Variants in SDK1 observed in about 807,000 individuals in gnomAD.
The protein encoded by SDK1 is protein sidekick-1.
In SDK1, 157 loss-of-function variants were observed where a neutral mutation model predicts 245.5. The ratio of observed to expected loss-of-function variants is 0.64; its 90% confidence interval spans 0.56 to 0.73. SDK1 has a LOEUF of 0.73. Ranked by LOEUF, SDK1 falls within the 30% of genes least tolerant of loss-of-function variation. SDK1 has a pLI of 0.00. For missense variants in SDK1, 3,583 were observed against 3,002.3 expected (o/e 1.19, Z -4.52); for synonymous variants, 1,647 against 1,278.5 (o/e 1.29, Z -6.15).
chr7:3,974,634 G>C, intron 13 of SDK1, 89 bp downstream of exon 13: 2 of 1,294,526 alleles, frequency 1.5e-6, no homozygotes, highest in South Asian at 1.4e-5. Flanking sequence ...CAAGTGTCAC[G>C]CCCGGCTTGT....
intron 14 of SDK1, among the ~76,000 whole-genome samples, chr7:3,989,219 A>G (rs912358597): frequency 6.6e-6 from 1 of 152,244 alleles, no homozygotes; most frequent in Admixed American, 6.5e-5. Flanking sequence ...GGAAAGCCTC[A>G]CAATCATGGT....
intron 17 of SDK1, among the ~76,000 whole-genome samples, chr7:4,047,114 C>T (rs1053372301): frequency 2.6e-5 from 4 of 152,102 alleles, no homozygotes; most frequent in Admixed American, 6.5e-5. Flanking sequence ...TAGCTGTAGG[C>T]GTTTTATAGG....
chr7:3,852,778 T>TAAA (rs1780451803), intron 5 of SDK1, among the ~76,000 whole-genome samples: 2 of 142,048 alleles, frequency 1.4e-5, no homozygotes, highest in Non-Finnish European at 3.1e-5. Context: ...AAAAAAAAAT[T>TAAA]TTTTTCCTTG....
At chr7:3,465,977 T>C (rs1780988533) in intron 1 of SDK1, among the ~76,000 whole-genome samples, 3 of 152,128 alleles carry the variant, frequency 2.0e-5, no homozygotes, top group African/African-American at 7.2e-5. Context: ...TTTGTTTGTT[T>C]TTCTGGAGTG....
chr7:3,847,995 T>C (rs1418769757), intron 5 of SDK1, among the ~76,000 whole-genome samples: 1 of 152,236 alleles, frequency 6.6e-6, no homozygotes, highest in Non-Finnish European at 1.5e-5. Flanking sequence ...TCCTGCAACA[T>C]ACGTATCACA....
intron 4 of SDK1, among the ~76,000 whole-genome samples, chr7:3,674,666 A>C (rs925141737): frequency 1.3e-5 from 2 of 152,178 alleles, no homozygotes; most frequent in African/African-American, 4.8e-5. Context: ...TGTGTTGTTC[A>C]GTGTTTGATA....
rs529405952 is a variant in SDK1, at chr7:4,208,231, G to A, written c.5347G>A (p.Ala1783Thr). ...KYLVSISAFN[A>T]AGDGPKSDPQ... ...CCTGGTCAGCATATCAGCCTTCAAC[G>A]CCGCCGGAGATGGACCTAAGAGTGA... is the stretch of plus-strand genomic sequence containing the variant. The change falls in exon 37 of 45, where the codon GCC (alanine) becomes ACC (threonine). Residue 1783 changes from alanine (A) to threonine (T), a missense_variant. Physicochemically the swap from Ala to Thr is moderately conservative, Grantham distance 58. Coordinates refer to ENST00000404826, the MANE Select transcript of SDK1 (RefSeq NM_152744.4). The A allele has an allele frequency of 8.7e-6, 14 of 1,614,024 alleles. No individual in the cohort carries two copies. Among genetic ancestry groups the A allele is most frequent in the East Asian group, 6.7e-5 (3 of 44,880 alleles).
intron 4 of SDK1, among the ~76,000 whole-genome samples, chr7:3,718,582 A>G (rs1785272913): frequency 1.9e-5 from 2 of 103,802 alleles, no homozygotes; most frequent in South Asian, 6.2e-4. Flanking sequence ...TAAATAAATA[A>G]ATAAATATCT....
chr7:3,850,784 C>G (rs1780399549), intron 5 of SDK1, among the ~76,000 whole-genome samples: 1 of 148,610 alleles, frequency 6.7e-6, no homozygotes, highest in African/African-American at 2.5e-5. Context: ...CGCATGTTCT[C>G]ACTCATAGGT....
rs537754175 is a variant in SDK1 at position 4,180,710 on chromosome 7, G to A, written c.5098+2124G>A. 1.7e-4 allele frequency among the ~76,000 whole-genome samples: 26 copies of A among 152,344 alleles called. 1 individual carries two copies. The South Asian group carries it at 5.4e-3, about 32-fold the overall frequency. ...GTCTCTGCTTCTGGGGCGGCCTCAG[G>A]AAGCTTCCAATCATGGTGGAAGGCG... On this transcript the variant is annotated intron_variant, in intron 35 of 44. Coordinates refer to ENST00000404826, the MANE Select transcript of SDK1 (RefSeq NM_152744.4).
intron 1 of SDK1, among the ~76,000 whole-genome samples, chr7:3,303,274 A>G (rs560956790): frequency 6.6e-6 from 1 of 152,336 alleles, no homozygotes; most frequent in African/African-American, 2.4e-5. Flanking sequence ...AACCAGGTTC[A>G]AGTGAAGAAA....
At chr7:4,145,575 C>T (rs1000102231) in intron 28 of SDK1, 147 bp from the exon 29 acceptor site, 4 of 655,174 alleles carry the variant, frequency 6.1e-6, no homozygotes, top group Non-Finnish European at 5.0e-6. Context: ...AGCCATGAGA[C>T]CACCCTTTCA....
At chr7:3,536,287 C>A (rs1310805369) in intron 1 of SDK1, among the ~76,000 whole-genome samples, 1 of 151,926 alleles carries the variant, frequency 6.6e-6, no homozygotes. Flanking sequence ...AGGATGGTCT[C>A]GATCTCCTGA....
intron 2 of SDK1, among the ~76,000 whole-genome samples, chr7:3,635,148 A>C (rs768066569): frequency 1.3e-5 from 2 of 152,250 alleles, no homozygotes; most frequent in Non-Finnish European, 2.9e-5. Flanking sequence ...TAATTTAAAT[A>C]AATGGCATTG....
intron 1 of SDK1, among the ~76,000 whole-genome samples, chr7:3,318,466 T>A (rs1423940673): frequency 6.6e-6 from 1 of 152,248 alleles, no homozygotes; most frequent in African/African-American, 2.4e-5. Flanking sequence ...GCACAGTGTC[T>A]TGCTTAATAA....
In SDK1 at chr7:3,448,634, T is replaced by C. The variant is rs1475107925; in HGVS notation, c.298+146750T>C. ...TTCATCTGGATTTTACTTCTATATA[T>C]GGTGAGATATGTGAGTCAAGCTTTG... On this transcript the variant is annotated intron_variant, in intron 1 of 44. Transcript: ENST00000404826. Among the ~76,000 whole-genome samples the C allele has an allele frequency of 2.0e-5, 3 of 152,208 alleles. 1 individual carries two copies. The highest frequency in any genetic ancestry group is 4.4e-5 in the Non-Finnish European group (3 of 68,030).
At chr7:3,728,349 G>A (rs1423374779) in intron 4 of SDK1, among the ~76,000 whole-genome samples, 1 of 152,184 alleles carries the variant, frequency 6.6e-6, no homozygotes, top group Non-Finnish European at 1.5e-5. Flanking sequence ...CCAACTTAGT[G>A]GAATGTTTCA....
chr7:4,175,362 T>A (rs925630174), intron 33 of SDK1, among the ~76,000 whole-genome samples: 4 of 152,230 alleles, frequency 2.6e-5, no homozygotes, highest in Non-Finnish European at 5.9e-5. Flanking sequence ...CTTACGCACC[T>A]GGTCGCGCAG....
At chr7:3,431,869 T>G (rs1779856689) in intron 1 of SDK1, among the ~76,000 whole-genome samples, 1 of 152,192 alleles carries the variant, frequency 6.6e-6, no homozygotes, top group East Asian at 1.9e-4. Flanking sequence ...GGAGTGATTT[T>G]TTTTTTAAAT....
Sources: gnomAD v4.1 joint callset for allele counts (sites outside exome capture counted in the v4.1 genomes callset) on GRCh38, gnomAD v4.1.1 for gene constraint, MANE v1.5 for transcripts, NCBI Gene and HGNC (gene_info 2026-07-23, HGNC 2026-07-21) for gene names.